Variants in RBFOX1 observed in about 807,000 individuals in gnomAD.
RBFOX1 encodes the protein RNA binding protein fox-1 homolog 1.
In RBFOX1, 8 loss-of-function variants were observed where a neutral mutation model predicts 57.7. That is an observed-to-expected ratio of 0.14 (90% CI 0.08 to 0.25). The LOEUF (loss-of-function observed/expected upper bound fraction) is 0.25. RBFOX1 is among the 10% of genes least tolerant of loss of function. The pLI is 1.00. For missense variants in RBFOX1, 611 were observed against 548.5 expected, an observed-to-expected ratio of 1.11 and a Z score of -1.14; for synonymous variants, 326 against 222.4, an observed-to-expected ratio of 1.47 and a Z score of -4.15.
intron 3 of RBFOX1, among the ~76,000 whole-genome samples, chr16:6,884,940 T>G (rs2063684827): frequency 6.6e-6 from 1 of 152,166 alleles, no homozygotes; most frequent in African/African-American, 2.4e-5. Flanking sequence ...ATATTAAGTG[T>G]TAAATCGTAA....
chr16:5,941,245 T>C (rs1178938647), intron 4 of RBFOX1, among the ~76,000 whole-genome samples: 1 of 152,066 alleles, frequency 6.6e-6, no homozygotes, highest in Non-Finnish European at 1.5e-5. Flanking sequence ...ATCCCAATGC[T>C]TTGGAAGGCT....
intron 2 of RBFOX1, among the ~76,000 whole-genome samples, chr16:5,472,785 A>G (rs1008354678): frequency 6.6e-6 from 1 of 152,182 alleles, no homozygotes; most frequent in Non-Finnish European, 1.5e-5. Flanking sequence ...TTACCAGCGT[A>G]ATTAGAGCAG....
At chr16:5,623,691 C>A (rs2048265426) in intron 3 of RBFOX1, among the ~76,000 whole-genome samples, 1 of 152,114 alleles carries the variant, frequency 6.6e-6, no homozygotes, top group Non-Finnish European at 1.5e-5. Context: ...TACCTCCTTC[C>A]CTTTTTCTCT....
intron 3 of RBFOX1, among the ~76,000 whole-genome samples, chr16:6,659,873 A>G (rs1168262662): frequency 6.6e-6 from 1 of 152,086 alleles, no homozygotes; most frequent in Non-Finnish European, 1.5e-5. Context: ...CAAAGACCTG[A>G]TTCGGTTCCT....
At chr16:5,304,565 A>G (rs2063886079) in intron 1 of RBFOX1, among the ~76,000 whole-genome samples, 1 of 152,194 alleles carries the variant, frequency 6.6e-6, no homozygotes, top group Non-Finnish European at 1.5e-5. Flanking sequence ...TCACCCATTC[A>G]TTCATTCATT....
chr16:7,483,281 G>A (rs573230780), intron 4 of RBFOX1, among the ~76,000 whole-genome samples: 27 of 152,322 alleles, frequency 1.8e-4, no homozygotes, highest in African/African-American at 6.3e-4. Context: ...CAATACTTGG[G>A]TTCTTGACGA....
At chr16:5,869,473 C>G (rs1244179186) in intron 4 of RBFOX1, among the ~76,000 whole-genome samples, 2 of 152,184 alleles carry the variant, frequency 1.3e-5, no homozygotes, top group Non-Finnish European at 2.9e-5. Context: ...ACAATCTCGG[C>G]TCACTGCAAC....
chr16:6,141,497 G>C (rs560360344), intron 1 of RBFOX1, among the ~76,000 whole-genome samples: 2 of 152,022 alleles, frequency 1.3e-5, no homozygotes, highest in Admixed American at 1.3e-4. Flanking sequence ...CATCCTCTGC[G>C]TCCTGTGGTT....
At chr16:6,430,118 A>G (rs564302818) in intron 2 of RBFOX1, among the ~76,000 whole-genome samples, 1 of 151,766 alleles carries the variant, frequency 6.6e-6, no homozygotes, top group African/African-American at 2.4e-5. Context: ...CAAGAAGAAA[A>G]AAAAAAAACA....
chr16:6,033,651 T>C (rs1250687814), intron 1 of RBFOX1, among the ~76,000 whole-genome samples: 3 of 152,264 alleles, frequency 2.0e-5, no homozygotes, highest in Non-Finnish European at 2.9e-5. Context: ...AATGGATATA[T>C]AGTATTCCAT....
At chr16:5,345,663 C>G (rs771413216) in intron 1 of RBFOX1, among the ~76,000 whole-genome samples, 2 of 152,234 alleles carry the variant, frequency 1.3e-5, no homozygotes, top group Non-Finnish European at 2.9e-5. Context: ...CCAGGAGCCA[C>G]TTGCTGAGCA....
chr16:7,140,157 C>CCTCTCTCTCTCTCTCTCTCTCTCT (rs57128710), intron 4 of RBFOX1, among the ~76,000 whole-genome samples: 17 of 70,884 alleles, frequency 2.4e-4, no homozygotes, highest in Non-Finnish European at 2.7e-4. Flanking sequence ...TCCTTCTCTC[C>CCTCTCTCTCTCTCTCTCTCTCTCT]CTCTCTCTCT....
chr16:7,000,592 C>CTTTT (rs1568307066), intron 3 of RBFOX1, among the ~76,000 whole-genome samples: 1 of 84,050 alleles, frequency 1.2e-5, no homozygotes, highest in African/African-American at 4.2e-5. Flanking sequence ...CTTTCTTTTT[C>CTTTT]TTTCTTTTTT....
chr16:5,915,464 C>A (rs1251545810), intron 4 of RBFOX1, among the ~76,000 whole-genome samples: 1 of 152,122 alleles, frequency 6.6e-6, no homozygotes, highest in East Asian at 1.9e-4. Context: ...TTCCTTGGGG[C>A]TAAGAAGAGA....
intron 4 of RBFOX1, among the ~76,000 whole-genome samples, chr16:7,476,831 A>G (rs1327285603): frequency 6.6e-6 from 1 of 152,234 alleles, no homozygotes; most frequent in African/African-American, 2.4e-5. Flanking sequence ...TATAAATTGC[A>G]TTGAATGGGC....
chr16:6,823,132 A>G (rs2091590901), intron 3 of RBFOX1, among the ~76,000 whole-genome samples: 1 of 152,158 alleles, frequency 6.6e-6, no homozygotes, highest in Non-Finnish European at 1.5e-5. Flanking sequence ...TGAAGCCTGT[A>G]TTTGATAGAA....
intron 3 of RBFOX1, among the ~76,000 whole-genome samples, chr16:6,917,328 T>A (rs112238514): frequency 0.014 from 2,089 of 152,322 alleles, 50 homozygotes; most frequent in African/African-American, 0.048. Context: ...TAGTGACTAA[T>A]CCCATCTGGT....
chr16:6,851,328 G>T (rs2094050276), intron 3 of RBFOX1, among the ~76,000 whole-genome samples: 1 of 152,230 alleles, frequency 6.6e-6, no homozygotes, highest in African/African-American at 2.4e-5. Context: ...CTTTTTGTCT[G>T]TGGACTATTT....
At chr16:6,572,835 C>T (rs2097364090) in intron 2 of RBFOX1, among the ~76,000 whole-genome samples, 1 of 152,124 alleles carries the variant, frequency 6.6e-6, no homozygotes, top group Non-Finnish European at 1.5e-5. Flanking sequence ...CTCAAGTGAT[C>T]CACCCACCTT....
Sources: allele counts gnomAD v4.1 joint callset (sites outside exome capture counted in the v4.1 genomes callset), GRCh38; gene constraint gnomAD v4.1.1; transcripts MANE v1.5; gene names NCBI Gene and HGNC (gene_info 2026-07-23, HGNC 2026-07-21).